The following STAG1 variants were observed in gnomAD, a reference collection of about 807,000 sequenced individuals.
The protein encoded by STAG1 is STAG1 cohesin complex component.
STAG1 carries 26 observed loss-of-function variants against 170.9 expected under a neutral mutation model. The observed-to-expected ratio is 0.15, with a 90% CI of 0.11 to 0.21. The LOEUF is 0.21. Among genes scored for constraint, STAG1 ranks in the 10% least tolerant of loss-of-function variants. The probability of loss-of-function intolerance (pLI) is 1.00; values close to 1 mark genes in which losing one functional copy is unlikely to be tolerated. For synonymous variants in STAG1, 514 were observed against 497.7 expected (o/e 1.03, Z -0.44); for missense variants, 964 against 1,509.5 (o/e 0.64, Z 5.99).
At chr3:136,655,727 G>T (rs993636706) in intron 1 of STAG1, among the ~76,000 whole-genome samples, 17 of 151,612 alleles carry the variant, frequency 1.1e-4, no homozygotes, top group African/African-American at 4.1e-4. Flanking sequence ...CACACCATCT[G>T]CACTCCAGCC....
At chr3:136,636,400 C>T (rs1405980260) in intron 1 of STAG1, among the ~76,000 whole-genome samples, 1 of 152,136 alleles carries the variant, frequency 6.6e-6, no homozygotes, top group African/African-American at 2.4e-5. Flanking sequence ...CACTTTTCAA[C>T]AGTTTCTGTA....
intron 1 of STAG1, among the ~76,000 whole-genome samples, chr3:136,724,144 GT>G (rs1933513344): frequency 6.7e-6 from 1 of 148,724 alleles, no homozygotes; most frequent in Admixed American, 6.6e-5. Context: ...GACAATGGCG[GT>G]TTTGTGGAAT....
chr3:136,410,651 T>C (rs1424854037), intron 21 of STAG1, among the ~76,000 whole-genome samples: 1 of 152,084 alleles, frequency 6.6e-6, no homozygotes, highest in Non-Finnish European at 1.5e-5. Context: ...ATGAAACAAA[T>C]GTAAAGACTT....
At chr3:136,355,459 T>C (rs941760337) in intron 28 of STAG1, among the ~76,000 whole-genome samples, 5 of 146,140 alleles carry the variant, frequency 3.4e-5, no homozygotes, top group Non-Finnish European at 6.0e-5. Flanking sequence ...GACAATTCAA[T>C]AGTAATATTT....
chr3:136,664,893 A>G (rs755264136), intron 1 of STAG1, among the ~76,000 whole-genome samples: 2 of 152,222 alleles, frequency 1.3e-5, no homozygotes, highest in East Asian at 3.8e-4. Flanking sequence ...AAAAGAAAAG[A>G]TATTTTTTTA....
intron 6 of STAG1, among the ~76,000 whole-genome samples, chr3:136,539,399 G>C (rs556004546): frequency 1.3e-5 from 2 of 152,290 alleles, no homozygotes; most frequent in South Asian, 4.1e-4. Context: ...TATCACGGGA[G>C]AAGAGCACAA....
intron 13 of STAG1, among the ~76,000 whole-genome samples, chr3:136,464,331 G>A (rs1011451544): frequency 6.6e-6 from 1 of 151,954 alleles, no homozygotes; most frequent in Non-Finnish European, 1.5e-5. Context: ...GCTGAGGTAG[G>A]ATAATCGCTT....
intron 4 of STAG1, among the ~76,000 whole-genome samples, chr3:136,603,848 C>G (rs1267417222): frequency 6.6e-6 from 1 of 152,020 alleles, no homozygotes; most frequent in Non-Finnish European, 1.5e-5. Flanking sequence ...GATCGTGCCA[C>G]TGCACTCCAG....
intron 3 of STAG1, among the ~76,000 whole-genome samples, chr3:136,611,626 T>C (rs1158536966): frequency 6.7e-6 from 1 of 149,750 alleles, no homozygotes; most frequent in African/African-American, 2.5e-5. Flanking sequence ...ACCTAAGTAG[T>C]TGGGACTATA....
chr3:136,455,580 GATCACAGCAACTGGTGCAC>G (rs1355466565), intron 13 of STAG1, among the ~76,000 whole-genome samples: 10 of 152,218 alleles, frequency 6.6e-5, no homozygotes, highest in Admixed American at 1.3e-4. Context: ...ATAGGGTGCT[GATCACAGCAACTGGTGCAC>G]ATCACAGCAA....
chr3:136,638,067 G>A (rs749832078), intron 1 of STAG1, among the ~76,000 whole-genome samples: 1 of 150,938 alleles, frequency 6.6e-6, no homozygotes, highest in Non-Finnish European at 1.5e-5. Flanking sequence ...CACTATGCCT[G>A]GCTAATTTTT....
At chr3:136,597,983 T>C (rs572917324) in intron 4 of STAG1, among the ~76,000 whole-genome samples, 1 of 152,252 alleles carries the variant, frequency 6.6e-6, no homozygotes, top group Admixed American at 6.5e-5. Flanking sequence ...TTTCTGTTTA[T>C]AAAAACTATT....
chr3:136,374,142 C>G (rs1218602182), intron 23 of STAG1, among the ~76,000 whole-genome samples: 1 of 152,020 alleles, frequency 6.6e-6, no homozygotes, highest in Non-Finnish European at 1.5e-5. Context: ...AAGTCTGTTT[C>G]ATCCGAGACT....
At chr3:136,493,533 T>C (rs1024737667) in intron 9 of STAG1, among the ~76,000 whole-genome samples, 1 of 151,782 alleles carries the variant, frequency 6.6e-6, no homozygotes, top group African/African-American at 2.4e-5. Flanking sequence ...TGTGTGCTTG[T>C]AGTCCCAACT....
At chr3:136,520,577 G>A (rs1439314942) in intron 7 of STAG1, among the ~76,000 whole-genome samples, 7 of 151,898 alleles carry the variant, frequency 4.6e-5, no homozygotes, top group Non-Finnish European at 8.8e-5. Flanking sequence ...AAATTACCTC[G>A]TTACTGAAAA....
At chr3:136,450,412 A>T (rs570273474) in intron 14 of STAG1, among the ~76,000 whole-genome samples, 1 of 152,286 alleles carries the variant, frequency 6.6e-6, no homozygotes, top group African/African-American at 2.4e-5. Context: ...CTCTCTAGCT[A>T]GTTTTGTTTC....
Position 136,452,066 on chromosome 3 carries a change from A to C in STAG1, c.1395T>G (p.Ile465Met). Residue 465 changes from isoleucine (I) to methionine (M), a missense_variant, in exon 14 of 34, where the codon ATT becomes ATG. Physicochemically the swap from Ile to Met is conservative, Grantham distance 10. Around this residue, in one of 11 missense-constraint regions of STAG1, gnomAD observed 162 missense variants for 211.2 expected, o/e 0.77. Transcript: ENST00000383202. The part of the protein sequence containing the change: ...RGRNSPNGNL[I>M]RMLVLFFLES... ...CAAGAAAGAAAAGAACCAGCATCCT[A>C]ATGAGGTTTCCATTCGGGCTGTTTC... 6.2e-7 allele frequency: 1 copy of C among 1,613,312 alleles called. No individual in the cohort carries two copies. The highest frequency in any genetic ancestry group is 8.5e-7 in the Non-Finnish European group (1 of 1,179,624).
At chr3:136,432,022 T>C (rs1032966277) in intron 16 of STAG1, among the ~76,000 whole-genome samples, 3 of 152,206 alleles carry the variant, frequency 2.0e-5, no homozygotes, top group African/African-American at 7.2e-5. Flanking sequence ...TCTCCTTTCC[T>C]TCTGGGATTC....
intron 1 of STAG1, among the ~76,000 whole-genome samples, chr3:136,666,544 G>A (rs1199738693): frequency 6.6e-6 from 1 of 152,136 alleles, no homozygotes; most frequent in African/African-American, 2.4e-5. Context: ...ACGACTGGGC[G>A]CGGTGGCTCA....
Sources: allele counts gnomAD v4.1 joint callset (sites outside exome capture counted in the v4.1 genomes callset), GRCh38; gene constraint gnomAD v4.1.1; regional missense constraint gnomAD v4.1.1; transcripts MANE v1.5; gene names NCBI Gene and HGNC (gene_info 2026-07-23, HGNC 2026-07-21).